The following SLC4A4 variants were observed in gnomAD, a reference collection of about 807,000 sequenced individuals.
SLC4A4 encodes the protein solute carrier family 4 member 4, also known as electrogenic sodium bicarbonate cotransporter 1.
A neutral mutation model predicts 111.5 loss-of-function variants in SLC4A4; 27 were observed. The observed-to-expected ratio is 0.24, with a 90% CI of 0.18 to 0.33. The LOEUF (loss-of-function observed/expected upper bound fraction) is 0.33, where lower values mean the gene tolerates loss of function less well. Among genes scored for constraint, SLC4A4 ranks in the 10% least tolerant of loss-of-function variants. SLC4A4 has a pLI of 1.00. For missense variants in SLC4A4, 909 were observed against 1,315.5 expected, an observed-to-expected ratio of 0.69 and a Z score of 4.78; for synonymous variants, 443 against 463.4, an observed-to-expected ratio of 0.96 and a Z score of 0.57.
intron 3 of SLC4A4, among the ~76,000 whole-genome samples, chr4:71,310,768 C>G (rs1336613465): frequency 1.3e-5 from 2 of 152,186 alleles, no homozygotes; most frequent in Admixed American, 1.3e-4. Context: ...GAAGAAACTG[C>G]ATTAACTAAT....
At chr4:71,309,825 G>A (rs549122868) in intron 3 of SLC4A4, among the ~76,000 whole-genome samples, 13 of 152,074 alleles carry the variant, frequency 8.5e-5, no homozygotes, top group African/African-American at 2.4e-4. Flanking sequence ...ATGGGACACC[G>A]AATGAGTTTG....
At chr4:71,333,595 G>A (rs1420495810) in intron 3 of SLC4A4, among the ~76,000 whole-genome samples, 2 of 152,232 alleles carry the variant, frequency 1.3e-5, no homozygotes, top group Non-Finnish European at 2.9e-5. Context: ...GGTGAATCCA[G>A]CCAGGCTTGC....
intron 13 of SLC4A4, among the ~76,000 whole-genome samples, chr4:71,466,979 G>GAGAGAGAGC (rs1363275518): frequency 6.9e-6 from 1 of 145,820 alleles, no homozygotes; most frequent in Non-Finnish European, 1.5e-5. Context: ...GAGAGAGAGA[G>GAGAGAGAGC]GTCTGAGTAT....
intron 7 of SLC4A4, among the ~76,000 whole-genome samples, chr4:71,410,359 A>G (rs958878001): frequency 1.3e-5 from 2 of 152,246 alleles, no homozygotes; most frequent in Non-Finnish European, 2.9e-5. Context: ...GCCCAAGACC[A>G]TGGGAAGCCA....
chr4:71,466,762 G>A (rs193279889), intron 13 of SLC4A4, among the ~76,000 whole-genome samples, 185 bp downstream of exon 13: 3 of 152,066 alleles, frequency 2.0e-5, no homozygotes, highest in African/African-American at 7.2e-5. Flanking sequence ...GATGTGATTC[G>A]ACTGAGGCTC....
chr4:71,197,380 G>A (rs1481160732), intron 1 of SLC4A4, among the ~76,000 whole-genome samples: 1 of 152,150 alleles, frequency 6.6e-6, no homozygotes, highest in Non-Finnish European at 1.5e-5. Flanking sequence ...TTTGTGATAT[G>A]TTATAGTTTC....
intron 1 of SLC4A4, among the ~76,000 whole-genome samples, chr4:71,089,570 G>C (rs1048222593): frequency 2.0e-5 from 3 of 152,006 alleles, no homozygotes; most frequent in Admixed American, 6.6e-5. Flanking sequence ...TACAGATGGT[G>C]TTTTGGCGTG....
chr4:71,077,224 G>T (rs953505140), intron 1 of SLC4A4, among the ~76,000 whole-genome samples: 1 of 151,334 alleles, frequency 6.6e-6, no homozygotes, highest in African/African-American at 2.4e-5. Flanking sequence ...GCAGTGGCGA[G>T]ATCTCAGCTG....
intron 1 of SLC4A4, among the ~76,000 whole-genome samples, chr4:71,205,572 G>T (rs1193891982): frequency 6.6e-6 from 1 of 152,012 alleles, no homozygotes; most frequent in Non-Finnish European, 1.5e-5. Context: ...TTTTTCTGGA[G>T]AAGTATGTCC....
At chr4:71,503,341 C>T (rs1439794946) in intron 16 of SLC4A4, among the ~76,000 whole-genome samples, 1 of 151,722 alleles carries the variant, frequency 6.6e-6, no homozygotes, top group Non-Finnish European at 1.5e-5. Context: ...GGACTTACTC[C>T]TATCATTTTG....
At chr4:71,515,251 A>C (rs1732274522) in intron 16 of SLC4A4, among the ~76,000 whole-genome samples, 1 of 152,038 alleles carries the variant, frequency 6.6e-6, no homozygotes, top group South Asian at 2.1e-4. Context: ...ATTCAGAAGC[A>C]CGTTTAATTT....
chr4:71,340,053 C>CAA (rs752438072), intron 4 of SLC4A4, among the ~76,000 whole-genome samples: 2 of 121,734 alleles, frequency 1.6e-5, no homozygotes, highest in Non-Finnish European at 3.5e-5. Flanking sequence ...CCCATCTCTA[C>CAA]AAAAAAAAAA....
intron 7 of SLC4A4, among the ~76,000 whole-genome samples, chr4:71,411,618 C>G (rs1240205252): frequency 6.6e-6 from 1 of 152,086 alleles, no homozygotes; most frequent in South Asian, 2.1e-4. Flanking sequence ...AGCAAGGTTA[C>G]AGTTTTAAAA....
chr4:71,317,826 G>A (rs546567046), intron 3 of SLC4A4, among the ~76,000 whole-genome samples: 43 of 152,130 alleles, frequency 2.8e-4, no homozygotes, highest in Middle Eastern at 6.8e-3. Context: ...TCTGGGTAAT[G>A]TATGCAATAA....
At chr4:71,339,192 A>C (rs1578869834) in intron 3 of SLC4A4, 178 bp from the exon 4 acceptor site, 1 of 1,613,932 alleles carries the variant, frequency 6.2e-7, no homozygotes, top group Non-Finnish European at 8.5e-7. Context: ...GGAATAGAGA[A>C]GGGCTTTGAT....
At chr4:71,121,038 G>A (rs374968070) in intron 2 of SLC4A4, among the ~76,000 whole-genome samples, 3 of 152,182 alleles carry the variant, frequency 2.0e-5, no homozygotes, top group Admixed American at 6.5e-5. Context: ...GGCTGGCGCC[G>A]CCGGCCCAGG....
chr4:71,398,836 C>A (rs558368953), intron 7 of SLC4A4, among the ~76,000 whole-genome samples: 7 of 152,170 alleles, frequency 4.6e-5, no homozygotes, highest in Non-Finnish European at 7.4e-5. Flanking sequence ...GCTCTTTTAA[C>A]TTACCATTTT....
At chr4:71,497,838 A>G in intron 16 of SLC4A4, 146 bp downstream of exon 16, 6 of 707,604 alleles carry the variant, frequency 8.5e-6, no homozygotes, top group Non-Finnish European at 1.4e-5. Context: ...ATCTTTGTTC[A>G]TGTGCATACT....
chr4:71,525,245 T>C (rs190649956), intron 16 of SLC4A4, among the ~76,000 whole-genome samples: 2 of 152,182 alleles, frequency 1.3e-5, no homozygotes, highest in African/African-American at 4.8e-5. Context: ...GTAGTTTAAA[T>C]ATTTAAGCTG....
Sources: allele counts gnomAD v4.1 joint callset (sites outside exome capture counted in the v4.1 genomes callset), GRCh38; gene constraint gnomAD v4.1.1; transcripts MANE v1.5; gene names NCBI Gene and HGNC (gene_info 2026-07-23, HGNC 2026-07-21).